Variants in TMCC1 observed in about 807,000 individuals in gnomAD.
The protein encoded by TMCC1 is transmembrane and coiled-coil domains protein 1.
TMCC1 carries 15 observed loss-of-function variants against 52.4 expected under a neutral mutation model. The observed-to-expected ratio is 0.29, with a 90% CI of 0.19 to 0.44. The LOEUF is 0.44. Among genes scored for constraint, TMCC1 ranks in the 20% least tolerant of loss-of-function variants. TMCC1 has a pLI of 1.00. For missense variants in TMCC1, 503 were observed against 806.0 expected, an observed-to-expected ratio of 0.62 and a Z score of 4.55; for synonymous variants, 279 against 301.9, an observed-to-expected ratio of 0.92 and a Z score of 0.79.
intron 4 of TMCC1, among the ~76,000 whole-genome samples, chr3:129,806,470 C>G (rs1396516801): frequency 6.6e-6 from 1 of 152,180 alleles, no homozygotes; most frequent in East Asian, 1.9e-4. Flanking sequence ...TGAACAATTT[C>G]TCAGGGAAAA....
In TMCC1 at chr3:129,818,437, TAAAGA is replaced by T. The variant is rs1404609813; in HGVS notation, c.576+9361_576+9365del. 6.1e-5 allele frequency among the ~76,000 whole-genome samples: 9 copies of T among 146,372 alleles called. No homozygotes were observed. The East Asian group carries it at 1.2e-3, about 20-fold the overall frequency. On this transcript the variant is annotated intron_variant, in intron 4 of 6. Coordinates refer to ENST00000393238, the MANE Select transcript of TMCC1 (RefSeq NM_001017395.5). Reference sequence around the variant, plus strand: ...TAAAGAAAAGTTTTAAAGAAACTTTTAAAGAAAAGTTTTAAAGAAACTTTTAAAGA... The same window carrying T: ...TAAAGAAAAGTTTTAAAGAAACTTTTAAAGTTTTAAAGAAACTTTTAAAGA...
At chr3:129,656,626 C>T (rs567909257) in intron 5 of TMCC1, 1 of 152,222 alleles carries the variant, frequency 6.6e-6, no homozygotes, top group East Asian at 1.9e-4. Flanking sequence ...TTCTAAGAAA[C>T]AAGGATTTTT....
intron 3 of TMCC1, among the ~76,000 whole-genome samples, chr3:129,830,055 G>A (rs1370214159): frequency 6.6e-6 from 1 of 152,174 alleles, no homozygotes; most frequent in Non-Finnish European, 1.5e-5. Flanking sequence ...CCACAAAATT[G>A]TTTGTTCCTA....
intron 4 of TMCC1, among the ~76,000 whole-genome samples, chr3:129,687,135 T>A (rs191392266): frequency 1.1e-4 from 17 of 152,198 alleles, no homozygotes; most frequent in African/African-American, 4.1e-4. Flanking sequence ...AGAGTTGTAT[T>A]TACAAGGCTT....
chr3:129,750,840 G>A (rs893903467), intron 4 of TMCC1, among the ~76,000 whole-genome samples: 1 of 151,046 alleles, frequency 6.6e-6, no homozygotes, highest in Admixed American at 6.6e-5. Context: ...CTCCCAAAGT[G>A]CTGGGATTAC....
chr3:129,836,312 G>A (rs1390980844), intron 2 of TMCC1, among the ~76,000 whole-genome samples: 1 of 152,072 alleles, frequency 6.6e-6, no homozygotes, highest in Non-Finnish European at 1.5e-5. Flanking sequence ...CAAATAAAGG[G>A]AGAGGGTAGA....
chr3:129,847,597 A>G (rs1288713255), intron 2 of TMCC1: 1 of 152,206 alleles, frequency 6.6e-6, no homozygotes, highest in Non-Finnish European at 1.5e-5. Context: ...AGCTGTTTAC[A>G]GTTTTTAGCT....
chr3:129,760,401 AGT>A (rs200322394), intron 4 of TMCC1, among the ~76,000 whole-genome samples: 8,749 of 137,854 alleles, frequency 0.063, 671 homozygotes, highest in East Asian at 0.39. Flanking sequence ...ACGCCAGGCT[AGT>A]GTGTGTGTGT....
chr3:129,745,937 A>AAGCCAG (rs912622627), intron 4 of TMCC1, among the ~76,000 whole-genome samples: 4 of 151,482 alleles, frequency 2.6e-5, no homozygotes, highest in Non-Finnish European at 5.9e-5. Flanking sequence ...GAAAGAAAAA[A>AAGCCAG]AGCCAGATGG....
At chr3:129,729,992 A>G (rs1235138878) in intron 4 of TMCC1, among the ~76,000 whole-genome samples, 1 of 152,084 alleles carries the variant, frequency 6.6e-6, no homozygotes, top group Non-Finnish European at 1.5e-5. Flanking sequence ...TTAAATAAAT[A>G]AAATAAAAAA....
intron 4 of TMCC1, among the ~76,000 whole-genome samples, chr3:129,781,505 T>A (rs1381134717): frequency 6.6e-6 from 1 of 152,188 alleles, no homozygotes; most frequent in African/African-American, 2.4e-5. Flanking sequence ...GTATATAGCC[T>A]ACATTTAGAC....
rs1402289747 is a variant in TMCC1, at chr3:129,842,799, T to A, written c.-183-9973A>T. ...AAACAATACACTTCTAAATAACCCA[T>A]GATTAAAAGATGAAGTCATAAGGAA... is the stretch of plus-strand genomic sequence containing the variant. On this transcript the variant is annotated intron_variant, in intron 2 of 6. Coordinates refer to ENST00000393238, the MANE Select transcript of TMCC1 (RefSeq NM_001017395.5). Among the ~76,000 whole-genome samples, 5 of 152,050 alleles carry A rather than the reference T, an allele frequency of 3.3e-5. No homozygotes were observed. In the South Asian group the frequency reaches 6.2e-4, roughly 19 times the overall value.
At position 129,831,220 on chromosome 3, in the gene TMCC1, C is replaced by A. The variant is rs944468684; in HGVS notation, c.-131+1554G>T. ...AAGTGCTGAGATTACAGGTGTGAGCCACTGCACCCGGCCAAATCATTTATT... is the reference window on the plus strand; with the variant it reads ...AAGTGCTGAGATTACAGGTGTGAGCAACTGCACCCGGCCAAATCATTTATT... On this transcript the variant is annotated intron_variant, in intron 3 of 6. Transcript: ENST00000393238. Among the ~76,000 whole-genome samples the A allele has an allele frequency of 1.3e-5, 2 of 152,146 alleles. 1 individual carries two copies. Among genetic ancestry groups the A allele is most frequent in the East Asian group, 3.9e-4 (2 of 5,194 alleles).
At chr3:129,888,275 CAT>C (rs527834879) in intron 1 of TMCC1, among the ~76,000 whole-genome samples, 30 of 152,288 alleles carry the variant, frequency 2.0e-4, no homozygotes, top group African/African-American at 7.2e-4. Flanking sequence ...ATCACGAAGT[CAT>C]GTTTAGCTTA....
intron 2 of TMCC1, among the ~76,000 whole-genome samples, chr3:129,838,765 A>G (rs1256049221): frequency 1.4e-5 from 2 of 146,752 alleles, no homozygotes; most frequent in African/African-American, 4.9e-5. Flanking sequence ...AAAAAAAAAA[A>G]AAAAAAAAAA....
intron 2 of TMCC1, among the ~76,000 whole-genome samples, chr3:129,845,056 G>A (rs975857117): frequency 3.0e-4 from 46 of 152,052 alleles, no homozygotes; most frequent in African/African-American, 1.1e-3. Flanking sequence ...GGGTGTGGTG[G>A]TGTATCCCTG....
chr3:129,766,326 T>TTTCA lies in TMCC1; in HGVS notation c.576+61473_576+61476dup, dbSNP rs201966874. On this transcript the variant is annotated intron_variant, in intron 4 of 6. Transcript: ENST00000393238. Reference sequence around the variant, plus strand: ...ATGCCAGGACATCTGTTTCTGAGCATTTCATTCATTCATTCATTCATTCAT... The same window carrying TTTCA: ...ATGCCAGGACATCTGTTTCTGAGCATTTCATTCATTCATTCATTCATTCATTCAT... Among the ~76,000 whole-genome samples, 612 of 152,226 alleles carry TTTCA rather than the reference T, an allele frequency of 4.0e-3. 3 individuals are homozygous for TTTCA. The highest frequency in any genetic ancestry group is 0.014 in the East Asian group (74 of 5,178).
intron 5 of TMCC1, among the ~76,000 whole-genome samples, chr3:129,664,435 C>T (rs2108870689): frequency 6.6e-6 from 1 of 152,316 alleles, no homozygotes; most frequent in South Asian, 2.1e-4. Context: ...ACTAACTGTT[C>T]TACTGCATGT....
chr3:129,891,237 A>G (rs562078144), intron 1 of TMCC1, among the ~76,000 whole-genome samples: 1 of 152,328 alleles, frequency 6.6e-6, no homozygotes, highest in African/African-American at 2.4e-5. Flanking sequence ...TATTTTCTTC[A>G]TAATTCATAT....
Sources: gnomAD v4.1 joint callset for allele counts (sites outside exome capture counted in the v4.1 genomes callset) on GRCh38, gnomAD v4.1.1 for gene constraint, MANE v1.5 for transcripts, NCBI Gene and HGNC (gene_info 2026-07-23, HGNC 2026-07-21) for gene names.